Variants in SEMA5A observed in about 807,000 individuals in gnomAD.
SEMA5A encodes semaphorin-5A.
In SEMA5A, 55 loss-of-function variants were observed where a neutral mutation model predicts 135.5. The ratio of observed to expected loss-of-function variants is 0.41; its 90% CI spans 0.33 to 0.51. SEMA5A has a LOEUF of 0.51. Among genes scored for constraint, SEMA5A ranks in the 20% least tolerant of loss-of-function variants. The pLI is 0.37. For missense variants in SEMA5A, 1,290 were observed against 1,419.9 expected (o/e 0.91, Z 1.47); for synonymous variants, 580 against 546.5 (o/e 1.06, Z -0.85).
chr5:9,121,674 C>A (rs1295084527), intron 14 of SEMA5A, among the ~76,000 whole-genome samples: 1 of 151,858 alleles, frequency 6.6e-6, no homozygotes, highest in Non-Finnish European at 1.5e-5. Flanking sequence ...TGTTGATATG[C>A]CTGTGTCCCC....
chr5:9,402,542 A>G (rs1579482882), intron 2 of SEMA5A, among the ~76,000 whole-genome samples: 1 of 151,976 alleles, frequency 6.6e-6, no homozygotes, highest in African/African-American at 2.4e-5. Context: ...GTGAGGTGAA[A>G]TGATCTACTG....
intron 2 of SEMA5A, among the ~76,000 whole-genome samples, chr5:9,420,606 G>A (rs544695226): frequency 2.2e-4 from 33 of 152,298 alleles, no homozygotes; most frequent in South Asian, 4.1e-4. Context: ...ACTGGGGGCT[G>A]GGAGATGGCC....
chr5:9,402,680 G>A (rs1482177736), intron 2 of SEMA5A, among the ~76,000 whole-genome samples: 8 of 152,236 alleles, frequency 5.3e-5, no homozygotes, highest in South Asian at 2.1e-4. Context: ...TACTGGTACC[G>A]TCTACTTGTC....
chr5:9,340,327 C>T (rs1209049516), intron 3 of SEMA5A, among the ~76,000 whole-genome samples: 1 of 152,148 alleles, frequency 6.6e-6, no homozygotes, highest in African/African-American at 2.4e-5. Context: ...CTTCAAACCA[C>T]ATGAGGGAAG....
intron 1 of SEMA5A, chr5:9,520,044 A>G (rs1284645647): frequency 1.3e-5 from 2 of 152,264 alleles, no homozygotes; most frequent in Non-Finnish European, 2.9e-5. Flanking sequence ...GGGAAAAGCC[A>G]AAGAGAGCCA....
At chr5:9,271,382 G>T (rs1749966351) in intron 5 of SEMA5A, among the ~76,000 whole-genome samples, 2 of 152,070 alleles carry the variant, frequency 1.3e-5, no homozygotes, top group Non-Finnish European at 2.9e-5. Context: ...AACTAATAAA[G>T]AAAATTGGTA....
At position 9,190,324 on chromosome 5, in the gene SEMA5A, C is replaced by T. The variant is rs774555589; in HGVS notation, c.1216G>A (p.Ala406Thr). Residue 406 changes from alanine (A) to threonine (T), a missense_variant, in exon 11 of 23, where the codon GCA (alanine) becomes ACA (threonine). Ala to Thr is a moderately conservative substitution (Grantham distance 58). Coordinates refer to ENST00000382496, the MANE Select transcript of SEMA5A (RefSeq NM_003966.3). ...TCTCTGCCCTGCACCACGTCGACTG[C>T]CACGTGGGAAAAGCGGCTATTGTCC... ...MEDNSRFSHV[A>T]VDVVQGREAL... 2.6e-5 allele frequency: 42 copies of T among 1,613,992 alleles called. No homozygotes were observed. Among genetic ancestry groups the T allele is most frequent in the Non-Finnish European group, 3.5e-5 (41 of 1,180,032 alleles).
intron 18 of SEMA5A, among the ~76,000 whole-genome samples, chr5:9,058,879 C>T (rs1445498539): frequency 6.6e-6 from 1 of 152,170 alleles, no homozygotes; most frequent in Admixed American, 6.5e-5. Context: ...GCAGAAATTT[C>T]CTACACCAAC....
At position 9,052,106 on chromosome 5, in the gene SEMA5A, T is replaced by G. The variant is rs550421731; in HGVS notation, c.2690-78A>C. 6.4e-6 allele frequency: 9 copies of G among 1,411,864 alleles called. No individual in the cohort carries two copies. In the East Asian group the frequency reaches 2.3e-4, roughly 35 times the overall value. 87.5% of individuals were successfully genotyped at this position (1,411,864 alleles called of 1,614,324 possible). A position where few individuals can be genotyped will look rare whatever the true frequency, so the allele number is the denominator to read the frequency against. ...ATCCTAGACTCACTGGCAAGTTACA[T>G]ATGTGATTTCTGGATTCCAGGATTC... On this transcript the variant is annotated intron_variant, in intron 19 of 22. Coordinates refer to ENST00000382496, the MANE Select transcript of SEMA5A (RefSeq NM_003966.3).
At chr5:9,334,302 C>T (rs1012665565) in intron 4 of SEMA5A, among the ~76,000 whole-genome samples, 9 of 152,316 alleles carry the variant, frequency 5.9e-5, no homozygotes, top group African/African-American at 2.2e-4. Context: ...GTTATCTAAA[C>T]TTACTCTTGC....
chr5:9,167,216 T>C (rs1286865535), intron 11 of SEMA5A, among the ~76,000 whole-genome samples: 1 of 152,246 alleles, frequency 6.6e-6, no homozygotes, highest in African/African-American at 2.4e-5. Flanking sequence ...GTTAGCTCGT[T>C]ATGAGCTTTC....
intron 1 of SEMA5A, among the ~76,000 whole-genome samples, chr5:9,513,669 A>T (rs1025909760): frequency 7.2e-5 from 11 of 152,154 alleles, no homozygotes; most frequent in African/African-American, 2.7e-4. Context: ...CTAAAGATTC[A>T]CTGATTCCAT....
chr5:9,305,608 G>A (rs1579313824), intron 5 of SEMA5A, among the ~76,000 whole-genome samples: 1 of 151,742 alleles, frequency 6.6e-6, no homozygotes, highest in East Asian at 1.9e-4. Context: ...CAACAAAAGT[G>A]TACGCCAAAA....
At chr5:9,398,386 A>G (rs1169385598) in intron 2 of SEMA5A, among the ~76,000 whole-genome samples, 1 of 152,238 alleles carries the variant, frequency 6.6e-6, no homozygotes, top group East Asian at 1.9e-4. Context: ...TTTCCCCCAC[A>G]TATCGTACTG....
intron 3 of SEMA5A, among the ~76,000 whole-genome samples, chr5:9,361,279 A>G (rs1754681650): frequency 6.7e-6 from 1 of 148,654 alleles, no homozygotes; most frequent in Non-Finnish European, 1.5e-5. Flanking sequence ...AGCCTGGGCA[A>G]CAAAGCGAGA....
intron 12 of SEMA5A, among the ~76,000 whole-genome samples, chr5:9,143,621 T>C (rs1375440011): frequency 1.3e-5 from 2 of 152,220 alleles, no homozygotes; most frequent in Non-Finnish European, 2.9e-5. Flanking sequence ...GTAAAGCATT[T>C]CAGGAAAATT....
intron 8 of SEMA5A, 81 bp downstream of exon 8, chr5:9,224,593 G>T: frequency 1.7e-6 from 2 of 1,208,272 alleles, no homozygotes; most frequent in Non-Finnish European, 2.4e-6. Context: ...TATTTAGAGT[G>T]TTGTAGTTTG....
chr5:9,209,286 C>T (rs1289846628), intron 8 of SEMA5A, among the ~76,000 whole-genome samples: 1 of 152,190 alleles, frequency 6.6e-6, no homozygotes, highest in Non-Finnish European at 1.5e-5. Context: ...ATAGCCCTCT[C>T]TTATAAAATT....
At chr5:9,076,096 T>G (rs1158099409) in intron 16 of SEMA5A, among the ~76,000 whole-genome samples, 2 of 150,018 alleles carry the variant, frequency 1.3e-5, no homozygotes, top group African/African-American at 4.9e-5. Flanking sequence ...TCCCAGCTAC[T>G]CAGGAGGCTG....
Sources: gnomAD v4.1 joint callset for allele counts (sites outside exome capture counted in the v4.1 genomes callset) on GRCh38, gnomAD v4.1.1 for gene constraint, MANE v1.5 for transcripts, NCBI Gene and HGNC (gene_info 2026-07-23, HGNC 2026-07-21) for gene names.